Variants in DST observed in about 807,000 individuals in gnomAD.
DST encodes the protein bullous pemphigoid antigen.
A neutral mutation model predicts 875.2 loss-of-function variants in DST; 253 were observed. The observed-to-expected ratio is 0.29, with a 90% CI of 0.26 to 0.32. The LOEUF (loss-of-function observed/expected upper bound fraction) is 0.32. DST is among the 10% of genes least tolerant of loss of function. The probability of loss-of-function intolerance (pLI) is 1.00; values close to 1 mark genes in which losing one functional copy is unlikely to be tolerated. For synonymous variants in DST, 3,124 were observed against 3,197.1 expected (o/e 0.98, Z 0.77); for missense variants, 8,287 against 9,111.6 (o/e 0.91, Z 3.68).
At chr6:56,895,146 CG>C in intron 3 of DST, among the ~76,000 whole-genome samples, 1 of 80,924 alleles carries the variant, frequency 1.2e-5, no homozygotes, top group South Asian at 3.5e-4. Context: ...GGAGGCTGGC[CG>C]GGCGGGGGGC....
chr6:56,758,954 A>C (rs1018457419), intron 4 of DST, among the ~76,000 whole-genome samples: 23 of 152,136 alleles, frequency 1.5e-4, no homozygotes, highest in African/African-American at 4.3e-4. Context: ...GAAGTTGCAC[A>C]CATGTTTTAA....
rs1276069938 is a variant in DST at position 56,489,502 on chromosome 6, A to T, written c.20865T>A (p.Leu6955=). 2 of 1,612,310 alleles carry T rather than the reference A, an allele frequency of 1.2e-6. No homozygotes were observed. The highest frequency in any genetic ancestry group is 1.7e-6 in the Non-Finnish European group (2 of 1,179,092). The change falls in exon 86 of 104, where the codon CTT becomes CTA. Residue 6955 remains leucine, a synonymous_variant. Coordinates refer to ENST00000680361, the MANE Select transcript of DST (RefSeq NM_001374736.1). ...ATTATGGACCCACCTTATGTTGTGC[A>T]AGTTGTGTTTTTATTTTGTCTGGAT... ...ANDPDKIKTQ[L]AQHKEFQKSL... is the part of the protein sequence containing the mutation.
intron 92 of DST, among the ~76,000 whole-genome samples, chr6:56,474,678 G>A (rs1383600289): frequency 6.6e-6 from 1 of 152,116 alleles, no homozygotes; most frequent in Non-Finnish European, 1.5e-5. Context: ...GTAAGCATCT[G>A]TCTACAAACA....
At chr6:56,715,139 C>T (rs1344463170) in intron 5 of DST, among the ~76,000 whole-genome samples, 4 of 152,120 alleles carry the variant, frequency 2.6e-5, no homozygotes, top group Admixed American at 2.6e-4. Context: ...CAGCTGTGGG[C>T]TCTTGAATGC....
At chr6:56,769,676 G>A (rs927084706) in intron 4 of DST, among the ~76,000 whole-genome samples, 2 of 152,080 alleles carry the variant, frequency 1.3e-5, no homozygotes, top group African/African-American at 2.4e-5. Context: ...AACTAGCCAC[G>A]TGTAGTGGCA....
chr6:56,747,391 G>T (rs182437392), intron 4 of DST, among the ~76,000 whole-genome samples: 1 of 152,200 alleles, frequency 6.6e-6, no homozygotes, highest in East Asian at 1.9e-4. Context: ...TTGTTGGCTG[G>T]GATCTAGGGG....
chr6:56,497,909 C>T lies in DST; in HGVS notation c.20041G>A (p.Val6681Ile), dbSNP rs776480348. 1.9e-6 allele frequency: 3 copies of T among 1,612,794 alleles called. No individual in the cohort carries two copies. The highest frequency in any genetic ancestry group is 1.7e-5 in the Admixed American group (1 of 59,808). ...TTCCTTTGTTCTGTTTTTTCCAAAA[C>T]ATTTTGCCAGCGTTGATTTAAAACC... ...LEVLNQRWQN[V>I]LEKTEQRKQQ... The change falls in exon 81 of 104, where the codon GTT becomes ATT. Residue 6681 changes from valine to isoleucine, a missense_variant. Val to Ile is a conservative substitution (Grantham distance 29). Transcript: ENST00000680361.
chr6:56,723,343 C>T (rs1334611705), intron 5 of DST, among the ~76,000 whole-genome samples: 1 of 151,958 alleles, frequency 6.6e-6, no homozygotes, highest in Admixed American at 6.6e-5. Context: ...GGCAGGCAGA[C>T]CACCTGAGGT....
Position 56,807,198 on chromosome 6 carries a change from G to A in DST, c.625+44199C>T, listed in dbSNP as rs151028013. Among the ~76,000 whole-genome samples, 110 of 152,170 alleles carry A rather than the reference G, an allele frequency of 7.2e-4. No homozygotes were observed. The East Asian group carries it at 0.014, about 20-fold the overall frequency. ...CCCAAGTAGCCTGGACTAGAGGTGT[G>A]TGTTTTTTGTAGAGACAGGGTTTTG... On this transcript the variant is annotated intron_variant, in intron 4 of 103. Coordinates refer to ENST00000680361, the MANE Select transcript of DST (RefSeq NM_001374736.1).
chr6:56,755,741 T>A (rs2099600764), intron 4 of DST, among the ~76,000 whole-genome samples: 1 of 152,244 alleles, frequency 6.6e-6, no homozygotes, highest in Non-Finnish European at 1.5e-5. Context: ...TCTTTTGCCT[T>A]TTGGCATGAA....
intron 3 of DST, chr6:56,852,126 A>C (rs1215118709): frequency 3.2e-6 from 3 of 946,702 alleles, no homozygotes; most frequent in Admixed American, 1.2e-4. Flanking sequence ...CGTTCTGACC[A>C]GTTTTAAGCC....
intron 4 of DST, among the ~76,000 whole-genome samples, chr6:56,791,696 G>C (rs1225849059): frequency 6.6e-6 from 1 of 150,518 alleles, no homozygotes; most frequent in South Asian, 2.1e-4. Context: ...GAGGTAGGAG[G>C]ATCACCTGAG....
At position 56,561,289 on chromosome 6, in the gene DST, G is replaced by T. The variant is rs375907252; in HGVS notation, c.14310+19C>A. ...CCATTCTCTTTCATGTCTTCCATAG[G>T]TGCACCCACAGAATATACCTTATTC... On this transcript the variant is annotated intron_variant, in intron 57 of 103. Coordinates refer to ENST00000680361, the MANE Select transcript of DST (RefSeq NM_001374736.1). 3 of 1,595,474 alleles carry T rather than the reference G, an allele frequency of 1.9e-6. No homozygotes were observed. Among genetic ancestry groups the T allele is most frequent in the Non-Finnish European group, 2.6e-6 (3 of 1,169,240 alleles).
Position 56,607,814 on chromosome 6 carries a change from A to G in DST, c.6814T>C (p.Cys2272Arg). 1 of 1,613,492 alleles carries G rather than the reference A, an allele frequency of 6.2e-7. No homozygotes were observed. The highest frequency in any genetic ancestry group is 1.1e-5 in the South Asian group (1 of 91,088). ...TTGAAACTACTTGGTGTAGCTGTAC[A>G]TTCATCCTTTTCTCTACCTGAAGCA... Reference protein sequence around the residue: ...NNASGREKDECTATPSSFNKC... With the variant: ...NNASGREKDERTATPSSFNKC... The change falls in exon 40 of 104, where the codon TGT becomes CGT. Residue 2272 changes from cysteine (C) to arginine (R), a missense_variant. By Grantham distance (180) the Cys-to-Arg change is radical. Transcript: ENST00000680361.
chr6:56,596,815 G>A (rs1297189934), intron 47 of DST, among the ~76,000 whole-genome samples: 8 of 152,166 alleles, frequency 5.3e-5, no homozygotes, highest in Admixed American at 2.0e-4. Flanking sequence ...TACAGAAGTC[G>A]CCTTTGCTCT....
intron 7 of DST, among the ~76,000 whole-genome samples, chr6:56,703,032 C>T (rs984402734): frequency 6.6e-5 from 10 of 152,138 alleles, no homozygotes; most frequent in Non-Finnish European, 4.4e-5. Flanking sequence ...AAAGAAGAAG[C>T]ACGTCTGTCT....
At chr6:56,518,123 T>C (rs934301016) in intron 69 of DST, among the ~76,000 whole-genome samples, 22 of 152,204 alleles carry the variant, frequency 1.4e-4, no homozygotes, top group African/African-American at 5.1e-4. Context: ...TCTCTATATA[T>C]GCAGAGTATA....
At chr6:56,789,950 T>C (rs2099714181) in intron 4 of DST, among the ~76,000 whole-genome samples, 1 of 152,218 alleles carries the variant, frequency 6.6e-6, no homozygotes, top group Non-Finnish European at 1.5e-5. Context: ...GCAGGAACTC[T>C]TCCTAGCTTG....
intron 61 of DST, among the ~76,000 whole-genome samples, chr6:56,548,121 C>A (rs772546683): frequency 6.6e-6 from 1 of 151,908 alleles, no homozygotes. Flanking sequence ...CTGGGCCACA[C>A]TGGAAGAAGA....
Sources: allele counts gnomAD v4.1 joint callset (sites outside exome capture counted in the v4.1 genomes callset), GRCh38; gene constraint gnomAD v4.1.1; transcripts MANE v1.5; gene names NCBI Gene and HGNC (gene_info 2026-07-23, HGNC 2026-07-21).